PRKDC: variants seen among roughly 807,000 people sequenced by gnomAD.
The protein encoded by PRKDC is protein kinase, DNA-activated, catalytic subunit, also known as DNA-dependent protein kinase catalytic subunit.
PRKDC carries 82 observed loss-of-function variants against 486.9 expected under a neutral mutation model. The observed-to-expected ratio is 0.17, with a 90% CI of 0.14 to 0.20. The LOEUF (loss-of-function observed/expected upper bound fraction) is 0.20. PRKDC is among the 10% of genes least tolerant of loss of function. The probability of loss-of-function intolerance (pLI) is 1.00; values close to 1 mark genes in which losing one functional copy is unlikely to be tolerated. For missense variants in PRKDC, 4,504 were observed against 5,038.2 expected (o/e 0.89, Z 3.21); for synonymous variants, 1,895 against 1,837.0 (o/e 1.03, Z -0.81).
intron 68 of PRKDC, 22 bp from the exon 69 acceptor site, chr8:47,807,348 A>T (rs779762838): frequency 6.6e-7 from 1 of 1,515,228 alleles, no homozygotes; most frequent in East Asian, 2.3e-5. Flanking sequence ...AAAATGAGAC[A>T]ATGTCACAGA....
intron 3 of PRKDC, 30 bp downstream of exon 3, chr8:47,957,141 A>T (rs1002852487): frequency 7.2e-7 from 1 of 1,388,780 alleles, no homozygotes; most frequent in Non-Finnish European, 1.0e-6. Context: ...TTGATATATA[A>T]TGTAATAAGG....
chr8:47,944,397 T>C (rs2090495252), intron 7 of PRKDC, among the ~76,000 whole-genome samples: 1 of 145,440 alleles, frequency 6.9e-6, no homozygotes, highest in African/African-American at 2.6e-5. Context: ...GAGGATTAAA[T>C]AAAGTAACTT....
At chr8:47,865,568 G>T (rs1274496032) in intron 40 of PRKDC, among the ~76,000 whole-genome samples, 1 of 151,960 alleles carries the variant, frequency 6.6e-6, no homozygotes, top group Non-Finnish European at 1.5e-5. Context: ...AATTAAGAAT[G>T]CAGAGTTAGT....
intron 25 of PRKDC, among the ~76,000 whole-genome samples, chr8:47,909,109 G>A (rs960551810): frequency 1.3e-5 from 2 of 152,072 alleles, no homozygotes; most frequent in African/African-American, 4.8e-5. Flanking sequence ...GGTCACCCTG[G>A]CCCATCTTCA....
intron 17 of PRKDC, among the ~76,000 whole-genome samples, chr8:47,930,310 T>C (rs921543323): frequency 1.3e-5 from 2 of 152,240 alleles, no homozygotes; most frequent in Non-Finnish European, 2.9e-5. Context: ...TCTCGCTCCG[T>C]TGCTCAGGCT....
chr8:47,959,928 G>T, intron 1 of PRKDC, 45 bp downstream of exon 1: 3 of 1,521,534 alleles, frequency 2.0e-6, no homozygotes, highest in South Asian at 1.2e-5. Flanking sequence ...AGAACGACTC[G>T]GGAAGCCAGG....
chr8:47,941,666 T>C (rs1459874085), intron 10 of PRKDC, among the ~76,000 whole-genome samples: 2 of 152,134 alleles, frequency 1.3e-5, no homozygotes, highest in Admixed American at 6.5e-5. Context: ...CTGGGCCCTT[T>C]AGCTGTAATA....
chr8:47,856,430 A>G (rs1484290092), intron 49 of PRKDC, among the ~76,000 whole-genome samples: 1 of 152,152 alleles, frequency 6.6e-6, no homozygotes, highest in African/African-American at 2.4e-5. Context: ...AGGTTTCACC[A>G]TGTTGGCCAG....
At chr8:47,871,781 G>A (rs1451592228) in intron 40 of PRKDC, among the ~76,000 whole-genome samples, 1 of 151,578 alleles carries the variant, frequency 6.6e-6, no homozygotes, top group African/African-American at 2.4e-5. Flanking sequence ...AGTAGAGACA[G>A]GGTTTCATCA....
At position 47,830,482 on chromosome 8, in the gene PRKDC, G is replaced by A. The variant is rs910366370; in HGVS notation, c.8397+123C>T. Reference sequence around the variant, plus strand: ...GTCTTTATACCAAGTCCACCGTTGAGGACAAACCAACACCTCATCTATGTT... The same window carrying A: ...GTCTTTATACCAAGTCCACCGTTGAAGACAAACCAACACCTCATCTATGTT... On this transcript the variant is annotated intron_variant, in intron 61 of 85. Transcript: ENST00000314191. The A allele has an allele frequency of 2.6e-5, 35 of 1,358,712 alleles. No individual in the cohort carries two copies. The African/African-American group carries it at 3.3e-4, about 13-fold the overall frequency. The allele number at this position is 1,358,712 out of a possible 1,614,324, so 84.2% of individuals were successfully genotyped here.
chr8:47,898,316 G>A (rs1468976280), intron 29 of PRKDC, among the ~76,000 whole-genome samples, 154 bp downstream of exon 29: 1 of 152,008 alleles, frequency 6.6e-6, no homozygotes, highest in Non-Finnish European at 1.5e-5. Flanking sequence ...GCTTTTTAAC[G>A]TTTTTGGAAA....
chr8:47,894,055 C>T (rs1466405614), intron 30 of PRKDC, among the ~76,000 whole-genome samples: 2 of 151,968 alleles, frequency 1.3e-5, no homozygotes, highest in Non-Finnish European at 2.9e-5. Flanking sequence ...CTGAGATGGG[C>T]GGATCACTTG....
At chr8:47,810,851 T>C (rs1269627332) in intron 68 of PRKDC, among the ~76,000 whole-genome samples, 1 of 151,972 alleles carries the variant, frequency 6.6e-6, no homozygotes, top group Non-Finnish European at 1.5e-5. Context: ...ACAGTAAGAT[T>C]GAAGACAAAT....
chr8:47,834,128 C>T, intron 59 of PRKDC, 68 bp downstream of exon 59: 2 of 1,572,878 alleles, frequency 1.3e-6, no homozygotes, highest in Non-Finnish European at 1.7e-6. Flanking sequence ...CAGAAATGTC[C>T]CCAGACCTGA....
chr8:47,883,768 T>C (rs2089272454), intron 36 of PRKDC, among the ~76,000 whole-genome samples: 1 of 152,268 alleles, frequency 6.6e-6, no homozygotes, highest in Non-Finnish European at 1.5e-5. Flanking sequence ...TTTCAGTTTT[T>C]TTTCTCCAGC....
intron 63 of PRKDC, among the ~76,000 whole-genome samples, chr8:47,825,789 G>T (rs956559147): frequency 1.1e-4 from 16 of 152,130 alleles, no homozygotes; most frequent in African/African-American, 3.6e-4. Flanking sequence ...GCATAGCTCA[G>T]AGGCCCTCTC....
At chr8:47,955,492 A>G (rs1167772172) in intron 4 of PRKDC, among the ~76,000 whole-genome samples, 4 of 151,438 alleles carry the variant, frequency 2.6e-5, no homozygotes, top group South Asian at 2.1e-4. Flanking sequence ...AAAAAAGAAA[A>G]CATATGAACT....
rs45548835 is a variant in PRKDC, at chr8:47,943,914, T to C, written c.778-31A>G. 0.013 allele frequency: 21,253 copies of C among 1,576,192 alleles called. 153 individuals carry two copies. The highest frequency in any genetic ancestry group is 0.016 in the Non-Finnish European group (18,697 of 1,156,914). On this transcript the variant is annotated intron_variant, in intron 8 of 85. Coordinates refer to ENST00000314191, the MANE Select transcript of PRKDC (RefSeq NM_006904.7). ...TTAGAAAAGAAAAATTCACCATCAG[T>C]ATTTGAAAGTCTGCACTGTAAAGGC...
rs1288230483 is a variant in PRKDC, at chr8:47,777,709, T to C, written c.12019A>G (p.Lys4007Glu). 1 of 1,592,460 alleles carries C rather than the reference T, an allele frequency of 6.3e-7. No homozygotes were observed. The highest frequency in any genetic ancestry group is 1.3e-5 in the African/African-American group (1 of 74,388). ...LLTNTMDVFV[K>E]EPSFDWKNFE... Reference sequence around the variant, plus strand: ...ACTTTCCAATCAAAGGAGGGCTCCTTGACAAACACATCCATGGTGTTGGTG... The same window carrying C: ...ACTTTCCAATCAAAGGAGGGCTCCTCGACAAACACATCCATGGTGTTGGTG... Residue 4007 changes from lysine (K) to glutamate (E), a missense_variant, in exon 84 of 86, where the codon AAG becomes GAG. Physicochemically the swap from Lys to Glu is moderately conservative, Grantham distance 56 (BLOSUM62 1). This residue lies in a region of PRKDC where 706 missense variants were observed against 945.0 expected (regional missense o/e 0.75). Transcript: ENST00000314191.
Sources: allele counts gnomAD v4.1 joint callset (sites outside exome capture counted in the v4.1 genomes callset), GRCh38; gene constraint gnomAD v4.1.1; regional missense constraint gnomAD v4.1.1; transcripts MANE v1.5; gene names NCBI Gene and HGNC (gene_info 2026-07-23, HGNC 2026-07-21).